The following ALCAM variants were observed in gnomAD, a reference collection of about 807,000 sequenced individuals.
ALCAM encodes the protein activated leukocyte cell adhesion molecule.
ALCAM carries 30 observed loss-of-function variants against 70.9 expected under a neutral mutation model. That is an observed-to-expected ratio of 0.42 (90% CI 0.32 to 0.57). ALCAM has a LOEUF of 0.57. Ranked by LOEUF, ALCAM falls within the 20% of genes least tolerant of loss-of-function variation. ALCAM has a pLI of 0.11. For synonymous variants in ALCAM, 249 were observed against 242.5 expected (o/e 1.03, Z -0.25); for missense variants, 591 against 695.1 (o/e 0.85, Z 1.68).
chr3:105,452,842 C>T (rs12186012), intron 1 of ALCAM, among the ~76,000 whole-genome samples: 24,575 of 152,050 alleles, frequency 0.16, 2,257 homozygotes, highest in East Asian at 0.38. Context: ...AGCTTTTTTT[C>T]ATATGTTTGT....
chr3:105,569,832 G>A (rs754638752), intron 14 of ALCAM, among the ~76,000 whole-genome samples: 13 of 152,170 alleles, frequency 8.5e-5, no homozygotes, highest in Non-Finnish European at 1.3e-4. Flanking sequence ...AGAGCTTGAA[G>A]GGAAAAGCTG....
intron 6 of ALCAM, among the ~76,000 whole-genome samples, chr3:105,538,160 G>A (rs1275199407): frequency 6.6e-6 from 1 of 152,106 alleles, no homozygotes; most frequent in Non-Finnish European, 1.5e-5. Context: ...CAAAAGGAAG[G>A]AGACTCAAGG....
At chr3:105,482,476 A>C (rs1048030549) in intron 1 of ALCAM, among the ~76,000 whole-genome samples, 2 of 152,140 alleles carry the variant, frequency 1.3e-5, no homozygotes, top group African/African-American at 4.8e-5. Context: ...TTTCCAGAGA[A>C]TATATTAGGA....
intron 3 of ALCAM, among the ~76,000 whole-genome samples, chr3:105,530,047 T>G (rs1939799373): frequency 6.6e-6 from 1 of 152,096 alleles, no homozygotes; most frequent in South Asian, 2.1e-4. Context: ...AAGAATGTTT[T>G]GACCTTTTTT....
chr3:105,402,677 A>G (rs1936118166), intron 1 of ALCAM, among the ~76,000 whole-genome samples: 1 of 152,032 alleles, frequency 6.6e-6, no homozygotes, highest in South Asian at 2.1e-4. Context: ...CCCCCTTGGA[A>G]TGTAACTCCA....
At chr3:105,482,589 ATGATACCACATGTC>A (rs1341221256) in intron 1 of ALCAM, among the ~76,000 whole-genome samples, 1 of 152,188 alleles carries the variant, frequency 6.6e-6, no homozygotes, top group Non-Finnish European at 1.5e-5. Flanking sequence ...TTCATTTTGA[ATGATACCACATGTC>A]TGAGACCAGG....
intron 1 of ALCAM, among the ~76,000 whole-genome samples, chr3:105,478,959 T>C (rs1938195445): frequency 6.6e-6 from 1 of 152,108 alleles, no homozygotes; most frequent in Non-Finnish European, 1.5e-5. Context: ...CTTATCACCC[T>C]CCTATTTTAT....
At chr3:105,425,684 TTAAA>T (rs1559787331) in intron 1 of ALCAM, among the ~76,000 whole-genome samples, 1 of 151,764 alleles carries the variant, frequency 6.6e-6, no homozygotes, top group African/African-American at 2.4e-5. Context: ...TAGGCATAAA[TTAAA>T]TAGTCACTAA....
chr3:105,573,902 T>C (rs1940909409), intron 15 of ALCAM, among the ~76,000 whole-genome samples: 1 of 152,160 alleles, frequency 6.6e-6, no homozygotes, highest in Non-Finnish European at 1.5e-5. Context: ...AATAGAATAA[T>C]TGAAACAAGA....
chr3:105,552,687 A>G, intron 14 of ALCAM, 102 bp downstream of exon 14: 1 of 1,574,324 alleles, frequency 6.4e-7, no homozygotes, highest in Non-Finnish European at 8.6e-7. Context: ...AATTTATACA[A>G]TAAGGAAGAT....
intron 1 of ALCAM, among the ~76,000 whole-genome samples, chr3:105,476,566 T>A (rs994784886): frequency 6.6e-6 from 1 of 152,036 alleles, no homozygotes; most frequent in Non-Finnish European, 1.5e-5. Flanking sequence ...GTATATTTAT[T>A]CAACTGCCAG....
chr3:105,552,754 C>G, intron 14 of ALCAM, 169 bp downstream of exon 14: 2 of 1,437,358 alleles, frequency 1.4e-6, no homozygotes, highest in Non-Finnish European at 1.8e-6. Flanking sequence ...GACTACACTG[C>G]CTTTGTCAGG....
chr3:105,432,806 T>C (rs1449370475), intron 1 of ALCAM, among the ~76,000 whole-genome samples: 1 of 152,136 alleles, frequency 6.6e-6, no homozygotes, highest in African/African-American at 2.4e-5. Context: ...AGAAAGGAAA[T>C]TGTCCTGCAG....
chr3:105,493,241 A>G (rs1232432611), intron 1 of ALCAM, among the ~76,000 whole-genome samples: 1 of 152,178 alleles, frequency 6.6e-6, no homozygotes, highest in Non-Finnish European at 1.5e-5. Flanking sequence ...CGGTCCCTAA[A>G]TAATAACTAA....
At chr3:105,424,225 A>G (rs1936736138) in intron 1 of ALCAM, among the ~76,000 whole-genome samples, 1 of 151,616 alleles carries the variant, frequency 6.6e-6, no homozygotes, top group Non-Finnish European at 1.5e-5. Context: ...GAGCCATGTT[A>G]TGGTATCAAA....
intron 1 of ALCAM, among the ~76,000 whole-genome samples, chr3:105,406,545 G>T (rs1373305345): frequency 6.6e-6 from 1 of 152,076 alleles, no homozygotes; most frequent in African/African-American, 2.4e-5. Context: ...AGCAAAAGTG[G>T]TGCTAAGAGG....
At chr3:105,429,095 A>T (rs1338439285) in intron 1 of ALCAM, among the ~76,000 whole-genome samples, 3 of 151,988 alleles carry the variant, frequency 2.0e-5, no homozygotes, top group Non-Finnish European at 4.4e-5. Flanking sequence ...TTAAGCCACC[A>T]TTTAAAATTT....
At chr3:105,516,844 T>C (rs1410062378) in intron 1 of ALCAM, among the ~76,000 whole-genome samples, 2 of 152,084 alleles carry the variant, frequency 1.3e-5, no homozygotes, top group Non-Finnish European at 2.9e-5. Flanking sequence ...AGGAAGGATG[T>C]CACAGGCATT....
chr3:105,393,081 T>C (rs1935863127), intron 1 of ALCAM, among the ~76,000 whole-genome samples: 2 of 151,888 alleles, frequency 1.3e-5, no homozygotes, highest in African/African-American at 2.4e-5. Flanking sequence ...CATTTTTATG[T>C]GTTGCTTGTT....
Sources: gnomAD v4.1 joint callset for allele counts (sites outside exome capture counted in the v4.1 genomes callset) on GRCh38, gnomAD v4.1.1 for gene constraint, MANE v1.5 for transcripts, NCBI Gene and HGNC (gene_info 2026-07-23, HGNC 2026-07-21) for gene names.